DLGAP1: variants seen among roughly 807,000 people sequenced by gnomAD.
DLGAP1 encodes the protein DLG associated protein 1, also known as disks large-associated protein 1.
A neutral mutation model predicts 90.8 loss-of-function variants in DLGAP1; 11 were observed. The observed-to-expected ratio is 0.12, with a 90% CI of 0.08 to 0.20. The LOEUF (loss-of-function observed/expected upper bound fraction) is 0.20. Among genes scored for constraint, DLGAP1 ranks in the 10% least tolerant of loss-of-function variants. The pLI is 1.00. For synonymous variants in DLGAP1, 558 were observed against 540.7 expected (o/e 1.03, Z -0.44); for missense variants, 1,050 against 1,333.8 (o/e 0.79, Z 3.31).
At chr18:4,188,640 C>A (rs1301828021) in intron 1 of DLGAP1, among the ~76,000 whole-genome samples, 1 of 152,108 alleles carries the variant, frequency 6.6e-6, no homozygotes, top group Admixed American at 6.5e-5. Flanking sequence ...GCAAAGGACA[C>A]GAACTCATTC....
rs569127644 is a variant in DLGAP1, at chr18:4,033,906, T to C, written c.-158-28705A>G. Among the ~76,000 whole-genome samples the C allele has an allele frequency of 4.4e-3, 661 of 151,414 alleles. 2 individuals carry two copies. Among genetic ancestry groups the C allele is most frequent in the Non-Finnish European group, 7.3e-3 (498 of 67,882 alleles). On this transcript the variant is annotated intron_variant, in intron 2 of 12. Transcript: ENST00000315677. ...GGTGCGTGCCACCATGCCTGGCTAATTTTTATATTTTTAGTAGAGACAAGG... is the reference window on the plus strand; with the variant it reads ...GGTGCGTGCCACCATGCCTGGCTAACTTTTATATTTTTAGTAGAGACAAGG...
chr18:3,501,148 A>G (rs1437549647), intron 12 of DLGAP1, among the ~76,000 whole-genome samples: 2 of 151,072 alleles, frequency 1.3e-5, no homozygotes, highest in African/African-American at 2.4e-5. Flanking sequence ...GAACTCCTGG[A>G]CTCAAGTGAT....
intron 3 of DLGAP1, among the ~76,000 whole-genome samples, chr18:3,952,097 T>C (rs2072997894): frequency 6.6e-6 from 1 of 152,220 alleles, no homozygotes; most frequent in Non-Finnish European, 1.5e-5. Context: ...AGGAATGTTA[T>C]ATTACATTCT....
chr18:3,535,701 C>G (rs1360060709), intron 9 of DLGAP1, among the ~76,000 whole-genome samples: 1 of 141,296 alleles, frequency 7.1e-6, no homozygotes, highest in Non-Finnish European at 1.5e-5. Context: ...GAGTGAGATT[C>G]TGTCTCAAAA....
intron 3 of DLGAP1, among the ~76,000 whole-genome samples, chr18:3,960,422 G>C (rs1011645762): frequency 1.1e-4 from 16 of 152,006 alleles, no homozygotes; most frequent in African/African-American, 3.9e-4. Context: ...CTTTAGCCAG[G>C]CATGGTGGCC....
At chr18:3,646,951 A>G (rs1952537429) in intron 7 of DLGAP1, among the ~76,000 whole-genome samples, 1 of 151,246 alleles carries the variant, frequency 6.6e-6, no homozygotes, top group Admixed American at 6.6e-5. Context: ...TAAATAAAAT[A>G]TATCTATTGT....
chr18:3,833,705 CT>C (rs1292167713), intron 4 of DLGAP1, among the ~76,000 whole-genome samples: 1 of 152,164 alleles, frequency 6.6e-6, no homozygotes, highest in Admixed American at 6.5e-5. Context: ...GACTTCTGAA[CT>C]GATTTCCTTT....
chr18:4,302,748 T>A (rs1445894224), intron 1 of DLGAP1, among the ~76,000 whole-genome samples: 1 of 152,304 alleles, frequency 6.6e-6, no homozygotes. Context: ...CTAATTTCTA[T>A]GAAAAATGAC....
chr18:4,408,997 ACAC>A (rs2082721753), intron 1 of DLGAP1, among the ~76,000 whole-genome samples: 3 of 151,838 alleles, frequency 2.0e-5, no homozygotes, highest in Admixed American at 1.3e-4. Flanking sequence ...ACACACACAC[ACAC>A]ATTGTATTTT....
intron 1 of DLGAP1, among the ~76,000 whole-genome samples, chr18:4,356,040 A>G (rs2081506406): frequency 6.6e-6 from 1 of 151,750 alleles, no homozygotes; most frequent in Non-Finnish European, 1.5e-5. Flanking sequence ...TCTAGGGGTC[A>G]GCTATTCATC....
chr18:3,860,852 C>T (rs2070006027), intron 4 of DLGAP1, among the ~76,000 whole-genome samples: 1 of 152,270 alleles, frequency 6.6e-6, no homozygotes, highest in Middle Eastern at 3.4e-3. Context: ...AAATCTCTCC[C>T]GTTATACTCC....
chr18:4,328,098 T>C (rs759802410), intron 1 of DLGAP1, among the ~76,000 whole-genome samples: 3 of 150,118 alleles, frequency 2.0e-5, no homozygotes, highest in Non-Finnish European at 2.9e-5. Context: ...GGGCCCTTTC[T>C]TTCCTCCCCG....
Position 3,956,389 on chromosome 18 carries a change from G to A in DLGAP1, c.-73+48727C>T, listed in dbSNP as rs187339690. Among the ~76,000 whole-genome samples the A allele has an allele frequency of 1.3e-4, 20 of 150,020 alleles. No individual in the cohort carries two copies. In the East Asian group the frequency reaches 2.0e-3, roughly 15 times the overall value. On this transcript the variant is annotated intron_variant, in intron 3 of 12. Coordinates refer to ENST00000315677, the MANE Select transcript of DLGAP1 (RefSeq NM_004746.4). ...TTTTGAGACGGAGTCTCGCTCTGTC[G>A]CCCAGGCTGGAGTGCAGTGGCGTGA...
rs77916506 is a variant in DLGAP1, at chr18:3,783,719, C to G, written c.1172+30340G>C. 2.2e-3 allele frequency among the ~76,000 whole-genome samples: 328 copies of G among 152,082 alleles called. 7 individuals are homozygous for G. The East Asian group carries it at 0.048, about 22-fold the overall frequency. On this transcript the variant is annotated intron_variant, in intron 5 of 12. Coordinates refer to ENST00000315677, the MANE Select transcript of DLGAP1 (RefSeq NM_004746.4). ...GTGGTGGTGCACAGCTGTGAAGATA[C>G]AAAAAACCATTGCATCGTACACTTA... is the stretch of plus-strand genomic sequence containing the variant.
intron 2 of DLGAP1, among the ~76,000 whole-genome samples, chr18:4,114,802 AT>A (rs2076034441): frequency 6.6e-6 from 1 of 151,996 alleles, no homozygotes; most frequent in African/African-American, 2.4e-5. Context: ...TTTGCATGGT[AT>A]ATCTTTTTCT....
intron 8 of DLGAP1, among the ~76,000 whole-genome samples, chr18:3,570,278 TA>T (rs967825166): frequency 2.9e-5 from 4 of 139,334 alleles, no homozygotes; most frequent in Non-Finnish European, 6.2e-5. Flanking sequence ...TCCTTTTTCC[TA>T]AATTTTTTTT....
chr18:3,677,602 C>A (rs1165492194), intron 7 of DLGAP1, among the ~76,000 whole-genome samples: 1 of 152,204 alleles, frequency 6.6e-6, no homozygotes, highest in African/African-American at 2.4e-5. Context: ...GTGCCTATGA[C>A]CATCCACTTC....
At chr18:4,177,218 C>A (rs1297045961) in intron 1 of DLGAP1, among the ~76,000 whole-genome samples, 1 of 152,136 alleles carries the variant, frequency 6.6e-6, no homozygotes, top group Non-Finnish European at 1.5e-5. Context: ...TGCAAATCTT[C>A]CCTTTCTCAC....
intron 1 of DLGAP1, among the ~76,000 whole-genome samples, chr18:4,370,995 C>A (rs1036454289): frequency 6.6e-6 from 1 of 151,988 alleles, no homozygotes; most frequent in African/African-American, 2.4e-5. Context: ...ATAGTGCAGG[C>A]GTGTACGCAT....
Sources: allele counts gnomAD v4.1 joint callset (sites outside exome capture counted in the v4.1 genomes callset), GRCh38; gene constraint gnomAD v4.1.1; transcripts MANE v1.5; gene names NCBI Gene and HGNC (gene_info 2026-07-23, HGNC 2026-07-21).